GLRA3: variants seen among roughly 807,000 people sequenced by gnomAD.
GLRA3 encodes glycine receptor subunit alpha-3.
In GLRA3, 44 loss-of-function variants were observed where a neutral mutation model predicts 60.4. That is an observed-to-expected ratio of 0.73 (90% CI 0.57 to 0.94). The LOEUF is 0.94. GLRA3 is among the 40% of genes least tolerant of loss of function. The pLI, the probability that GLRA3 is intolerant of heterozygous loss-of-function variation, is 0.00. For synonymous variants in GLRA3, 223 were observed against 192.9 expected (o/e 1.16, Z -1.29); for missense variants, 508 against 564.6 (o/e 0.90, Z 1.02).
chr4:174,695,167 A>C (rs1735000476), intron 5 of GLRA3, among the ~76,000 whole-genome samples: 1 of 152,068 alleles, frequency 6.6e-6, no homozygotes, highest in Non-Finnish European at 1.5e-5. Context: ...TGTACAAAGA[A>C]GAGCTGGTAC....
intron 3 of GLRA3, among the ~76,000 whole-genome samples, chr4:174,747,904 TA>T (rs1398607565): frequency 1.3e-5 from 2 of 152,182 alleles, no homozygotes; most frequent in East Asian, 3.8e-4. Context: ...CCAATAACAT[TA>T]TAGCATATAT....
chr4:174,647,459 C>T (rs938809438), intron 9 of GLRA3, among the ~76,000 whole-genome samples: 2 of 144,950 alleles, frequency 1.4e-5, no homozygotes, highest in Non-Finnish European at 3.0e-5. Context: ...GAAAGAGACA[C>T]AGCCAGTAAA....
At chr4:174,685,452 C>A (rs1734520612) in intron 5 of GLRA3, among the ~76,000 whole-genome samples, 1 of 152,086 alleles carries the variant, frequency 6.6e-6, no homozygotes, top group Non-Finnish European at 1.5e-5. Context: ...TGTGACGGCT[C>A]ATTATGGAGC....
chr4:174,667,677 A>G (rs1733733729), intron 7 of GLRA3, among the ~76,000 whole-genome samples: 1 of 152,194 alleles, frequency 6.6e-6, no homozygotes, highest in Admixed American at 6.6e-5. Flanking sequence ...GCAGTCTGCA[A>G]GCCAAATTTA....
chr4:174,779,302 A>G (rs1174125953), intron 2 of GLRA3, among the ~76,000 whole-genome samples: 2 of 152,112 alleles, frequency 1.3e-5, no homozygotes, highest in Non-Finnish European at 2.9e-5. Context: ...TCCACACCAA[A>G]AACCCATCTG....
chr4:174,679,960 A>G (rs1734278681), intron 6 of GLRA3, among the ~76,000 whole-genome samples: 3 of 152,192 alleles, frequency 2.0e-5, no homozygotes, highest in African/African-American at 7.2e-5. Context: ...ACAGTTAACA[A>G]TACTTTATCG....
chr4:174,696,305 AG>A (rs1735050851), intron 5 of GLRA3, among the ~76,000 whole-genome samples: 1 of 151,772 alleles, frequency 6.6e-6, no homozygotes, highest in South Asian at 2.1e-4. Flanking sequence ...TCTGGATTAA[AG>A]TAAATGATAA....
At chr4:174,735,170 TAA>T in intron 3 of GLRA3, among the ~76,000 whole-genome samples, 1 of 149,690 alleles carries the variant, frequency 6.7e-6, no homozygotes, top group South Asian at 2.1e-4. Context: ...TTTTCAGCCT[TAA>T]AAAAAAAAGG....
intron 7 of GLRA3, among the ~76,000 whole-genome samples, chr4:174,665,761 G>T (rs551015554): frequency 2.0e-5 from 3 of 152,102 alleles, no homozygotes; most frequent in African/African-American, 7.2e-5. Context: ...CAGACCTTAT[G>T]CATTTTTGTA....
chr4:174,756,890 C>T (rs927082336), intron 3 of GLRA3, among the ~76,000 whole-genome samples: 5 of 152,204 alleles, frequency 3.3e-5, no homozygotes, highest in Admixed American at 6.5e-5. Context: ...TCGTGATCCA[C>T]CCGCCACGGC....
At chr4:174,782,118 C>T (rs111830591) in intron 2 of GLRA3, among the ~76,000 whole-genome samples, 1 of 147,140 alleles carries the variant, frequency 6.8e-6, no homozygotes, top group Admixed American at 6.8e-5. Flanking sequence ...GCTTATCCAC[C>T]ATGATCAAGT....
chr4:174,765,226 C>T (rs1738095286), intron 3 of GLRA3, among the ~76,000 whole-genome samples: 1 of 151,984 alleles, frequency 6.6e-6, no homozygotes, highest in African/African-American at 2.4e-5. Context: ...GTGTAGCCAT[C>T]TTATAGATTG....
intron 3 of GLRA3, among the ~76,000 whole-genome samples, chr4:174,729,208 A>G (rs1257567039): frequency 1.3e-5 from 2 of 152,234 alleles, no homozygotes; most frequent in Admixed American, 6.5e-5. Context: ...GAATGCTGTT[A>G]GACACTTAGA....
intron 3 of GLRA3, among the ~76,000 whole-genome samples, chr4:174,732,066 GA>G (rs1736568710): frequency 6.6e-6 from 1 of 152,086 alleles, no homozygotes; most frequent in South Asian, 2.1e-4. Context: ...TAAAAAGATG[GA>G]AAAAATTGGC....
At chr4:174,679,453 G>A (rs1440693020) in intron 6 of GLRA3, among the ~76,000 whole-genome samples, 1 of 152,080 alleles carries the variant, frequency 6.6e-6, no homozygotes, top group Non-Finnish European at 1.5e-5. Context: ...ACCATTGGTG[G>A]GAATATAGAT....
At chr4:174,793,027 T>G (rs1319616687) in intron 1 of GLRA3, among the ~76,000 whole-genome samples, 1 of 152,214 alleles carries the variant, frequency 6.6e-6, no homozygotes, top group Non-Finnish European at 1.5e-5. Context: ...AATGTTTTTC[T>G]TCAATATACA....
chr4:174,706,532 A>G (rs932998950), intron 5 of GLRA3, among the ~76,000 whole-genome samples: 1 of 152,130 alleles, frequency 6.6e-6, no homozygotes, highest in East Asian at 1.9e-4. Context: ...AACAATAAAT[A>G]TTTTCTTGAT....
intron 3 of GLRA3, among the ~76,000 whole-genome samples, chr4:174,736,215 G>T (rs1736779839): frequency 6.6e-6 from 1 of 151,662 alleles, no homozygotes; most frequent in Admixed American, 6.6e-5. Context: ...ATTAATGTGT[G>T]TTTTTAAAAT....
chr4:174,812,861 A>G (rs2111374125), intron 1 of GLRA3, among the ~76,000 whole-genome samples: 1 of 152,026 alleles, frequency 6.6e-6, no homozygotes, highest in South Asian at 2.1e-4. Flanking sequence ...CCTTTCTTCT[A>G]TCTATATGCC....
Sources: allele counts gnomAD v4.1 joint callset (sites outside exome capture counted in the v4.1 genomes callset), GRCh38; gene constraint gnomAD v4.1.1; transcripts MANE v1.5; gene names NCBI Gene and HGNC (gene_info 2026-07-23, HGNC 2026-07-21).